Variants in CDH22 observed in about 807,000 individuals in gnomAD.
The protein encoded by CDH22 is cadherin 22.
In CDH22, 30 loss-of-function variants were observed where a neutral mutation model predicts 58.4. That is an observed-to-expected ratio of 0.51 (90% CI 0.38 to 0.70). The LOEUF (loss-of-function observed/expected upper bound fraction) is 0.70, where lower values mean the gene tolerates loss of function less well. Among genes scored for constraint, CDH22 ranks in the 30% least tolerant of loss-of-function variants. The probability of loss-of-function intolerance (pLI) is 0.00; values close to 1 mark genes in which losing one functional copy is unlikely to be tolerated. For synonymous variants in CDH22, 513 were observed against 558.2 expected, an observed-to-expected ratio of 0.92 and a Z score of 1.14; for missense variants, 1,014 against 1,233.9, an observed-to-expected ratio of 0.82 and a Z score of 2.67.
Position 46,210,670 on chromosome 20 carries a change from A to C in CDH22, c.1033-110T>G. Reference sequence around the variant, plus strand: ...TTGGCCCAAGGTCACACGTTGTCTCAGCAGGGGCGGCAGGGATGTTTGGGC... The same window carrying C: ...TTGGCCCAAGGTCACACGTTGTCTCCGCAGGGGCGGCAGGGATGTTTGGGC... On this transcript the variant is annotated intron_variant, in intron 6 of 11. Coordinates refer to ENST00000537909, the MANE Select transcript of CDH22 (RefSeq NM_021248.3). The surrounding 1 kb of genome is among the most constrained non-coding windows in gnomAD (Gnocchi z 4.5). The C allele has an allele frequency of 3.2e-5, 34 of 1,078,394 alleles. No individual in the cohort carries two copies. The highest frequency in any genetic ancestry group is 3.5e-5 in the Non-Finnish European group (28 of 797,898). 66.8% of individuals were successfully genotyped at this position (1,078,394 alleles called of 1,614,324 possible).
intron 1 of CDH22, among the ~76,000 whole-genome samples, chr20:46,264,908 G>A (rs138876197): frequency 2.1e-3 from 313 of 151,868 alleles, no homozygotes; most frequent in African/African-American, 7.1e-3. Flanking sequence ...CACACCGTGC[G>A]CACACACACA....
rs771799120 is a variant in CDH22 at position 46,251,073 on chromosome 20, C to T, written c.222G>A (p.Glu74=). ...CATACAGGGGCTCCGTGCCCGTGTA[C>T]TCCTCTACCACGAAGAACTGGTTCC... ...WVWNQFFVVE[E]YTGTEPLYVG... is the part of the protein sequence containing the mutation. The change falls in exon 2 of 12, where the codon GAG becomes GAA. Residue 74 remains glutamate, a synonymous_variant. Coordinates refer to ENST00000537909, the MANE Select transcript of CDH22 (RefSeq NM_021248.3). The surrounding 1 kb of genome is among the most constrained non-coding windows in gnomAD (Gnocchi z 6.7). 2.5e-6 allele frequency: 4 copies of T among 1,612,592 alleles called. No individual in the cohort carries two copies. Among genetic ancestry groups the T allele is most frequent in the Non-Finnish European group, 3.4e-6 (4 of 1,179,242 alleles).
intron 1 of CDH22, among the ~76,000 whole-genome samples, chr20:46,271,071 A>G (rs981417822): frequency 6.6e-6 from 1 of 152,226 alleles, no homozygotes; most frequent in South Asian, 2.1e-4. Context: ...GCAAGAGTGG[A>G]GCAGTCATGA....
Position 46,288,369 on chromosome 20 carries a change from C to T in CDH22, c.-400+19886G>A, listed in dbSNP as rs140194295. Among the ~76,000 whole-genome samples, 571 of 152,238 alleles carry T rather than the reference C, an allele frequency of 3.8e-3. 8 individuals carry two copies. Among genetic ancestry groups the T allele is most frequent in the Admixed American group, 0.022 (344 of 15,302 alleles). On this transcript the variant is annotated intron_variant, in intron 1 of 11. Transcript: ENST00000537909. Reference sequence around the variant, plus strand: ...TCCTCTGCTGTTTCCATCTCATTTCCCTCCAAGTTTTCGAAGGCCCCAGAG... The same window carrying T: ...TCCTCTGCTGTTTCCATCTCATTTCTCTCCAAGTTTTCGAAGGCCCCAGAG...
chr20:46,198,312 A>ACACACACACC (rs2085924516), intron 8 of CDH22, among the ~76,000 whole-genome samples: 1 of 150,968 alleles, frequency 6.6e-6, no homozygotes, highest in East Asian at 1.9e-4. Context: ...ACACACACAC[A>ACACACACACC]CACACACACA....
chr20:46,210,434 C>G lies in CDH22; in HGVS notation c.1159G>C (p.Asp387His). The G allele has an allele frequency of 6.9e-7, 1 of 1,451,896 alleles. No homozygotes were observed. The highest frequency in any genetic ancestry group is 9.1e-7 in the Non-Finnish European group (1 of 1,101,680). 89.9% of individuals were successfully genotyped at this position (1,451,896 alleles called of 1,614,324 possible). A position where few individuals can be genotyped will look rare whatever the true frequency, so the allele number is the denominator to read the frequency against. Residue 387 changes from aspartate (D) to histidine (H), a missense_variant, in exon 7 of 12, where the codon GAC becomes CAC. This residue lies in a region of CDH22 where 806 missense variants were observed against 1,038.7 expected (regional missense o/e 0.78). Coordinates refer to ENST00000537909, the MANE Select transcript of CDH22 (RefSeq NM_021248.3). This position sits in a 1 kb window ranked among gnomAD's most constrained non-coding sequence, Gnocchi z 4.5. ...DQAIVRVAVT[D>H]VDEPPEFRPP... The stretch of plus-strand genomic sequence containing the variant: ...CGGAACTCGGGGGGCTCGTCCACGT[C>G]GGTCACGGCCACGCGCACGATCGCC...
At chr20:46,288,939 A>T (rs1400830922) in intron 1 of CDH22, among the ~76,000 whole-genome samples, 1 of 152,204 alleles carries the variant, frequency 6.6e-6, no homozygotes, top group Non-Finnish European at 1.5e-5. Context: ...GTGTTAAAAC[A>T]TAAATCAGGC....
intron 5 of CDH22, 82 bp from the exon 6 acceptor site, chr20:46,213,270 G>A (rs2086058214): frequency 2.1e-6 from 2 of 936,026 alleles, no homozygotes; most frequent in East Asian, 2.4e-5. Context: ...GGACAAGGGG[G>A]CCCAGGTGAG....
At chr20:46,270,262 G>A (rs1301100165) in intron 1 of CDH22, among the ~76,000 whole-genome samples, 2 of 152,164 alleles carry the variant, frequency 1.3e-5, no homozygotes, top group African/African-American at 4.8e-5. Flanking sequence ...AGATGGGGAA[G>A]GAGAGAGGGA....
chr20:46,181,643 C>G (rs1163368215), intron 10 of CDH22, among the ~76,000 whole-genome samples: 1 of 124,050 alleles, frequency 8.1e-6, no homozygotes, highest in African/African-American at 3.0e-5. Flanking sequence ...CTTCCTTCTT[C>G]CTCCCTCCCT....
At chr20:46,296,103 T>C (rs993985424) in intron 1 of CDH22, among the ~76,000 whole-genome samples, 1 of 152,122 alleles carries the variant, frequency 6.6e-6, no homozygotes, top group South Asian at 2.1e-4. Flanking sequence ...CCCAGGTGCT[T>C]GTCCTGAAAC....
intron 1 of CDH22, among the ~76,000 whole-genome samples, chr20:46,283,066 C>T (rs1417812302): frequency 2.0e-5 from 3 of 152,364 alleles, no homozygotes; most frequent in Middle Eastern, 3.4e-3. Context: ...TTTGCTTCCA[C>T]ATCCTTTCAT....
At chr20:46,266,333 C>G (rs867993898) in intron 1 of CDH22, among the ~76,000 whole-genome samples, 1 of 152,250 alleles carries the variant, frequency 6.6e-6, no homozygotes, top group South Asian at 2.1e-4. Context: ...AGGACTGGGA[C>G]CTGGGTCATT....
chr20:46,184,956 C>T (rs1467399063), intron 10 of CDH22, among the ~76,000 whole-genome samples: 1 of 152,002 alleles, frequency 6.6e-6, no homozygotes, highest in Non-Finnish European at 1.5e-5. Flanking sequence ...CGTGGTGGTG[C>T]GTGCCTGTAA....
chr20:46,234,849 G>T (rs1034203675), intron 3 of CDH22, among the ~76,000 whole-genome samples: 1 of 152,222 alleles, frequency 6.6e-6, no homozygotes, highest in African/African-American at 2.4e-5. Flanking sequence ...TGAGGTCAGG[G>T]GTGGTGTCTT....
At chr20:46,304,874 T>A (rs1477601822) in intron 1 of CDH22, among the ~76,000 whole-genome samples, 1 of 152,168 alleles carries the variant, frequency 6.6e-6, no homozygotes, top group Non-Finnish European at 1.5e-5. Flanking sequence ...GGCTGGTAAG[T>A]ATATGAAGCC....
chr20:46,218,622 C>T (rs1231566533), intron 4 of CDH22, among the ~76,000 whole-genome samples: 1 of 152,310 alleles, frequency 6.6e-6, no homozygotes, highest in Middle Eastern at 3.4e-3. Context: ...CCTCCCACAA[C>T]CAAATTATCC....
chr20:46,247,348 G>T (rs1386643363), intron 2 of CDH22, among the ~76,000 whole-genome samples: 1 of 126,294 alleles, frequency 7.9e-6, no homozygotes, highest in Non-Finnish European at 1.8e-5. Context: ...CACAGAGAGG[G>T]TAAAAAAGTT....
rs905112239 is a variant in CDH22 at position 46,210,014 on chromosome 20, G to A, written c.1286+293C>T. 2 of 338,404 alleles carry A rather than the reference G, an allele frequency of 5.9e-6. No homozygotes were observed. The highest frequency in any genetic ancestry group is 9.3e-5 in the East Asian group (2 of 21,424). 21.0% of individuals were successfully genotyped at this position (338,404 alleles called of 1,614,324 possible). ...CAGTGTGGCTGCAGCCAGCAGCGCG[G>A]AGACCCCGCCAGTGCAGTGCCCGCC... On this transcript the variant is annotated intron_variant, in intron 7 of 11. Coordinates refer to ENST00000537909, the MANE Select transcript of CDH22 (RefSeq NM_021248.3). The surrounding 1 kb of genome is among the most constrained non-coding windows in gnomAD (Gnocchi z 4.5).
Sources: gnomAD v4.1 joint callset for allele counts (sites outside exome capture counted in the v4.1 genomes callset) on GRCh38, gnomAD v4.1.1 for gene constraint, gnomAD v4.1.1 regional missense constraint, Gnocchi (gnomAD v3.1) non-coding constraint, MANE v1.5 for transcripts, NCBI Gene and HGNC (gene_info 2026-07-23, HGNC 2026-07-21) for gene names.